PCNX1: variants seen among roughly 807,000 people sequenced by gnomAD.
The protein encoded by PCNX1 is pecanex-like protein 1.
A neutral mutation model predicts 242.2 loss-of-function variants in PCNX1; 78 were observed. That is an observed-to-expected ratio of 0.32 (90% CI 0.27 to 0.39). The LOEUF is 0.39. PCNX1 is among the 10% of genes least tolerant of loss of function. The pLI, the probability that PCNX1 is intolerant of heterozygous loss-of-function variation, is 1.00. For missense variants in PCNX1, 2,581 were observed against 2,856.5 expected, an observed-to-expected ratio of 0.90 and a Z score of 2.20; for synonymous variants, 1,024 against 1,032.9, an observed-to-expected ratio of 0.99 and a Z score of 0.17.
At chr14:71,012,324 G>T (rs1595236601) in intron 10 of PCNX1, 2 of 154,302 alleles carry the variant, frequency 1.3e-5, no homozygotes, top group East Asian at 3.8e-4. Flanking sequence ...GAGAAGAGAA[G>T]CCACTAACGA....
intron 33 of PCNX1, 103 bp downstream of exon 33, chr14:71,105,543 C>A: frequency 1.2e-6 from 1 of 867,230 alleles, no homozygotes; most frequent in Non-Finnish European, 1.8e-6. Context: ...CTTGGAAATT[C>A]AGAAATAGAA....
chr14:71,089,737 T>A (rs1466855729), intron 30 of PCNX1, among the ~76,000 whole-genome samples: 1 of 150,810 alleles, frequency 6.6e-6, no homozygotes, highest in Non-Finnish European at 1.5e-5. Flanking sequence ...ATGGGAACTA[T>A]AATTCAAGAT....
intron 24 of PCNX1, among the ~76,000 whole-genome samples, chr14:71,052,229 T>TC (rs1284944711): frequency 6.6e-6 from 1 of 151,728 alleles, no homozygotes; most frequent in Non-Finnish European, 1.5e-5. Flanking sequence ...TTTTTTTTTT[T>TC]CATACAGGGT....
intron 2 of PCNX1, among the ~76,000 whole-genome samples, chr14:70,955,007 T>G (rs1345538904): frequency 6.6e-6 from 1 of 152,242 alleles, no homozygotes; most frequent in Admixed American, 6.5e-5. Context: ...TGGTACATTG[T>G]GGCTCTCAGT....
At chr14:71,073,020 T>C (rs1252773532) in intron 26 of PCNX1, among the ~76,000 whole-genome samples, 2 of 152,222 alleles carry the variant, frequency 1.3e-5, no homozygotes, top group African/African-American at 4.8e-5. Context: ...ATCAGACCCG[T>C]AGTGTGAGTG....
chr14:71,000,017 C>T (rs781212231), intron 8 of PCNX1, among the ~76,000 whole-genome samples: 2 of 152,102 alleles, frequency 1.3e-5, no homozygotes, highest in African/African-American at 2.4e-5. Flanking sequence ...AAAAAAGTTA[C>T]ATCCTTTTGC....
chr14:70,979,146 G>A (rs889103476), intron 6 of PCNX1, among the ~76,000 whole-genome samples: 6 of 151,916 alleles, frequency 3.9e-5, no homozygotes, highest in Non-Finnish European at 7.4e-5. Context: ...CTTTTTTTAA[G>A]TCTGTATCTT....
intron 9 of PCNX1, among the ~76,000 whole-genome samples, chr14:71,010,235 CCA>C (rs2059786377): frequency 6.6e-6 from 1 of 151,956 alleles, no homozygotes; most frequent in African/African-American, 2.4e-5. Flanking sequence ...CAGTGTTTTC[CCA>C]CAGTGTCAAA....
intron 1 of PCNX1, among the ~76,000 whole-genome samples, chr14:70,914,560 T>G (rs1031996439): frequency 6.6e-6 from 1 of 152,182 alleles, no homozygotes; most frequent in Non-Finnish European, 1.5e-5. Context: ...ACAGATTCAG[T>G]CAGGTAATTT....
At chr14:71,084,417 AGCAACATTTAAGTCT>A (rs1405076755) in intron 28 of PCNX1, among the ~76,000 whole-genome samples, 1 of 152,224 alleles carries the variant, frequency 6.6e-6, no homozygotes, top group Non-Finnish European at 1.5e-5. Flanking sequence ...GCCAGCAGGC[AGCAACATTTAAGTCT>A]GCTGAAGCTG....
rs1162052611 is a variant in PCNX1, at chr14:71,015,741, T to C, written c.2996+2539T>C. The stretch of plus-strand genomic sequence containing the variant: ...AAGGAGATAAGATGGATTATAAAAA[T>C]TACTGTTAATCAATAAGGTGGAAAA... On this transcript the variant is annotated intron_variant, in intron 11 of 35. Transcript: ENST00000304743. Among the ~76,000 whole-genome samples, 9 of 152,196 alleles carry C rather than the reference T, an allele frequency of 5.9e-5. No homozygotes were observed. In the East Asian group the frequency reaches 1.7e-3, roughly 29 times the overall value.
intron 30 of PCNX1, among the ~76,000 whole-genome samples, chr14:71,089,980 T>G (rs1332092132): frequency 1.3e-5 from 2 of 152,204 alleles, no homozygotes; most frequent in East Asian, 3.8e-4. Flanking sequence ...TTACAAGCTG[T>G]AAGTAAAGGT....
At chr14:71,025,694 A>G (rs889979478) in intron 13 of PCNX1, among the ~76,000 whole-genome samples, 6 of 152,126 alleles carry the variant, frequency 3.9e-5, no homozygotes, top group Non-Finnish European at 8.8e-5. Flanking sequence ...CCTGGGCAAC[A>G]TGGTGAAACT....
At chr14:71,058,839 A>G (rs554640424) in intron 26 of PCNX1, among the ~76,000 whole-genome samples, 3 of 152,286 alleles carry the variant, frequency 2.0e-5, no homozygotes, top group South Asian at 4.1e-4. Context: ...TTCCTTCAAA[A>G]TATCTTATTC....
intron 19 of PCNX1, among the ~76,000 whole-genome samples, chr14:71,036,928 T>C (rs1035177445): frequency 6.6e-6 from 1 of 152,198 alleles, no homozygotes; most frequent in African/African-American, 2.4e-5. Context: ...GAGCATGGAA[T>C]GTTCTTCCAT....
At chr14:71,097,296 G>A (rs1485821475) in intron 30 of PCNX1, among the ~76,000 whole-genome samples, 1 of 152,096 alleles carries the variant, frequency 6.6e-6, no homozygotes, top group East Asian at 1.9e-4. Context: ...TGTATTTTTG[G>A]TAGAACAATT....
intron 19 of PCNX1, among the ~76,000 whole-genome samples, chr14:71,037,028 G>C (rs1045829284): frequency 2.0e-5 from 3 of 151,676 alleles, no homozygotes; most frequent in Non-Finnish European, 4.4e-5. Flanking sequence ...GGATTCCTAG[G>C]TATTTTATTC....
intron 1 of PCNX1, among the ~76,000 whole-genome samples, chr14:70,935,863 A>T (rs918005291): frequency 1.3e-5 from 2 of 152,206 alleles, no homozygotes; most frequent in Non-Finnish European, 2.9e-5. Flanking sequence ...AAGTCATTAA[A>T]ATTCCTGTCT....
intron 26 of PCNX1, among the ~76,000 whole-genome samples, chr14:71,061,000 C>G (rs979202126): frequency 6.6e-6 from 1 of 152,152 alleles, no homozygotes; most frequent in Admixed American, 6.5e-5. Flanking sequence ...GTGAAAGCAG[C>G]TGAAGAATTT....
Sources: allele counts gnomAD v4.1 joint callset (sites outside exome capture counted in the v4.1 genomes callset), GRCh38; gene constraint gnomAD v4.1.1; transcripts MANE v1.5; gene names NCBI Gene and HGNC (gene_info 2026-07-23, HGNC 2026-07-21).